ZNF704: variants seen among roughly 807,000 people sequenced by gnomAD.
ZNF704 encodes glucocorticoid induced gene 1.
In ZNF704, 10 loss-of-function variants were observed where a neutral mutation model predicts 44.7. That is an observed-to-expected ratio of 0.22 (90% confidence interval 0.14 to 0.38). The LOEUF is 0.38. ZNF704 is among the 10% of genes least tolerant of loss of function. The probability of loss-of-function intolerance (pLI) is 1.00; values close to 1 mark genes in which losing one functional copy is unlikely to be tolerated. For synonymous variants in ZNF704, 211 were observed against 207.6 expected, an observed-to-expected ratio of 1.02 and a Z score of -0.14; for missense variants, 390 against 545.5, an observed-to-expected ratio of 0.71 and a Z score of 2.84.
intron 1 of ZNF704, among the ~76,000 whole-genome samples, chr8:80,865,305 G>A (rs1809136121): frequency 6.6e-6 from 1 of 152,168 alleles, no homozygotes; most frequent in African/African-American, 2.4e-5. Flanking sequence ...TAACATGAAA[G>A]CGTAGAGACA....
chr8:80,647,772 C>T (rs984359808), intron 7 of ZNF704, among the ~76,000 whole-genome samples: 1 of 152,128 alleles, frequency 6.6e-6, no homozygotes, highest in Non-Finnish European at 1.5e-5. Context: ...GCAGGAGGCA[C>T]AGTGGTGCCA....
In ZNF704 at chr8:80,643,129, C is replaced by T. The variant is rs1462505445; in HGVS notation, c.1033G>A (p.Val345Met). 3.1e-6 allele frequency: 5 copies of T among 1,599,482 alleles called. No homozygotes were observed. The highest frequency in any genetic ancestry group is 2.3e-5 in the East Asian group (1 of 43,896). Residue 345 changes from valine (V) to methionine (M), a missense_variant and splice_region_variant, in exon 8 of 9, where the codon GTG becomes ATG. By Grantham distance (21) the Val-to-Met change is conservative. Around this residue, in one of 3 missense-constraint regions of ZNF704, gnomAD observed 305 missense variants for 435.7 expected, o/e 0.70. Transcript: ENST00000327835. ...SPPVTFTGIP[V>M]SPTHHPVGTG... Reference sequence around the variant, plus strand: ...CCCACCGGATGATGTGTGGGTGACACCTGGTGAATACATGGAAAAGAAAGT... The same window carrying T: ...CCCACCGGATGATGTGTGGGTGACATCTGGTGAATACATGGAAAAGAAAGT...
At chr8:80,708,308 C>T (rs1818928474) in intron 2 of ZNF704, among the ~76,000 whole-genome samples, 1 of 152,182 alleles carries the variant, frequency 6.6e-6, no homozygotes, top group African/African-American at 2.4e-5. Context: ...CTGATACAGC[C>T]AGAAACACAA....
chr8:80,846,569 T>C (rs2129983527), intron 1 of ZNF704, among the ~76,000 whole-genome samples: 1 of 152,292 alleles, frequency 6.6e-6, no homozygotes, highest in South Asian at 2.1e-4. Context: ...TCAGTTAATT[T>C]TAACATTGTC....
intron 2 of ZNF704, among the ~76,000 whole-genome samples, chr8:80,767,299 A>G (rs1268402616): frequency 6.6e-6 from 1 of 152,184 alleles, no homozygotes; most frequent in South Asian, 2.1e-4. Context: ...TTCACCCATT[A>G]AAGTATTCAT....
chr8:80,672,258 C>CA (rs1818293790), intron 4 of ZNF704, among the ~76,000 whole-genome samples: 1 of 152,036 alleles, frequency 6.6e-6, no homozygotes, highest in African/African-American at 2.4e-5. Flanking sequence ...ACCAAAATGT[C>CA]AAAAAATAAT....
Position 80,638,901 on chromosome 8 carries a change from G to A in ZNF704, c.*2465C>T, listed in dbSNP as rs1817700409. 1 of 152,280 alleles carries A rather than the reference G, an allele frequency of 6.6e-6. No individual in the cohort carries two copies. Among genetic ancestry groups the A allele is most frequent in the African/African-American group, 2.4e-5 (1 of 41,456 alleles). The allele number at this position is 152,280 out of a possible 1,614,324, so 9.4% of individuals were successfully genotyped here. On this transcript the variant is annotated 3_prime_UTR_variant, in exon 9 of 9. Transcript: ENST00000327835. ...GCTTTAGAAAGGAGAAGAGATCCCAGGGAAGCTACATTCAGCTCTGTAGTT... is the reference window on the plus strand; with the variant it reads ...GCTTTAGAAAGGAGAAGAGATCCCAAGGAAGCTACATTCAGCTCTGTAGTT...
intron 2 of ZNF704, among the ~76,000 whole-genome samples, chr8:80,714,998 T>C (rs1180274860): frequency 6.6e-6 from 1 of 152,208 alleles, no homozygotes; most frequent in African/African-American, 2.4e-5. Context: ...AAAAGAATTA[T>C]GGATCCATAC....
intron 2 of ZNF704, among the ~76,000 whole-genome samples, chr8:80,815,642 A>T (rs188288122): frequency 6.8e-4 from 104 of 152,378 alleles, no homozygotes; most frequent in African/African-American, 2.5e-3. Flanking sequence ...ATGATAAGGA[A>T]CAAAAATTCA....
chr8:80,725,368 C>A (rs1806459446), intron 2 of ZNF704, among the ~76,000 whole-genome samples: 1 of 152,064 alleles, frequency 6.6e-6, no homozygotes, highest in Non-Finnish European at 1.5e-5. Flanking sequence ...TAAACAATGA[C>A]CATAGATTTT....
intron 7 of ZNF704, among the ~76,000 whole-genome samples, chr8:80,657,110 G>A (rs1056574871): frequency 2.0e-5 from 3 of 152,146 alleles, no homozygotes; most frequent in African/African-American, 7.2e-5. Flanking sequence ...ATCTGTGTGG[G>A]TGGGCTGTTA....
chr8:80,690,239 A>G (rs923729239), intron 3 of ZNF704, among the ~76,000 whole-genome samples: 2 of 152,252 alleles, frequency 1.3e-5, no homozygotes, highest in African/African-American at 4.8e-5. Flanking sequence ...TTTGCATTGA[A>G]GAGCCAAAAG....
intron 2 of ZNF704, among the ~76,000 whole-genome samples, chr8:80,770,017 A>C (rs1807293037): frequency 6.6e-6 from 1 of 152,204 alleles, no homozygotes; most frequent in Non-Finnish European, 1.5e-5. Flanking sequence ...ACAAGAGAAA[A>C]GAACTTGTGC....
chr8:80,795,368 T>G (rs773398043), intron 2 of ZNF704, among the ~76,000 whole-genome samples: 12 of 152,174 alleles, frequency 7.9e-5, no homozygotes, highest in Non-Finnish European at 1.3e-4. Context: ...TGGAGACTAA[T>G]TAAGATACTT....
chr8:80,727,174 A>AAT (rs779270370), intron 2 of ZNF704, among the ~76,000 whole-genome samples: 22 of 152,246 alleles, frequency 1.4e-4, no homozygotes, highest in Non-Finnish European at 2.6e-4. Flanking sequence ...GCAAGAGATT[A>AAT]AATAAAGATA....
intron 1 of ZNF704, among the ~76,000 whole-genome samples, chr8:80,847,338 T>C (rs1272119025): frequency 6.6e-6 from 1 of 152,150 alleles, no homozygotes; most frequent in Non-Finnish European, 1.5e-5. Flanking sequence ...AAGACCTATA[T>C]AAATTGGGGG....
At chr8:80,704,871 G>A (rs377280259) in intron 2 of ZNF704, among the ~76,000 whole-genome samples, 51 of 152,132 alleles carry the variant, frequency 3.4e-4, no homozygotes, top group African/African-American at 1.2e-3. Context: ...TGAGTTCTGT[G>A]GGCAGCTCTA....
At chr8:80,822,569 G>C (rs1384011113) in intron 1 of ZNF704, among the ~76,000 whole-genome samples, 1 of 148,546 alleles carries the variant, frequency 6.7e-6, no homozygotes, top group South Asian at 2.2e-4. Flanking sequence ...CCCAGTAATG[G>C]GATGGCTGGG....
intron 2 of ZNF704, among the ~76,000 whole-genome samples, chr8:80,791,870 A>G (rs1807714015): frequency 6.6e-6 from 1 of 152,230 alleles, no homozygotes; most frequent in East Asian, 1.9e-4. Context: ...AGAGGTTTGT[A>G]GGTGGCTGGA....
Sources: allele counts gnomAD v4.1 joint callset (sites outside exome capture counted in the v4.1 genomes callset), GRCh38; gene constraint gnomAD v4.1.1; regional missense constraint gnomAD v4.1.1; transcripts MANE v1.5; gene names NCBI Gene and HGNC (gene_info 2026-07-23, HGNC 2026-07-21).